UBAP1L: variants seen among roughly 807,000 people sequenced by gnomAD.
UBAP1L encodes the protein ubiquitin-associated protein 1-like.
In UBAP1L, 32 loss-of-function variants were observed where a neutral mutation model predicts 32.1. That is an observed-to-expected ratio of 1.00 (90% confidence interval 0.75 to 1.34). The LOEUF (loss-of-function observed/expected upper bound fraction) is 1.34. UBAP1L is among the 40% of genes most tolerant of loss of function. The probability of loss-of-function intolerance (pLI) is 0.00; values close to 1 mark genes in which losing one functional copy is unlikely to be tolerated. For missense variants in UBAP1L, 516 were observed against 540.5 expected (o/e 0.95, Z 0.45); for synonymous variants, 243 against 250.2 (o/e 0.97, Z 0.27).
At chr15:65,106,478 G>A in intron 1 of UBAP1L, 90 bp from the exon 2 acceptor site, 2 of 336,878 alleles carry the variant, frequency 5.9e-6, no homozygotes, top group Non-Finnish European at 1.1e-5. Context: ...CTAGACCACT[G>A]TTTTCCAAAA....
Position 65,114,795 on chromosome 15 carries a change from A to C in UBAP1L, c.-174+355T>G, listed in dbSNP as rs78499006. Among the ~76,000 whole-genome samples, 849 of 152,332 alleles carry C rather than the reference A, an allele frequency of 5.6e-3. 5 individuals are homozygous for C. The highest frequency in any genetic ancestry group is 0.014 in the Middle Eastern group (4 of 294). Reference sequence around the variant, plus strand: ...CTACACAGTTATGCACTCTAACACCACTTGCCTCAGAGACCTTAATCTTTG... The same window carrying C: ...CTACACAGTTATGCACTCTAACACCCCTTGCCTCAGAGACCTTAATCTTTG... On this transcript the variant is annotated intron_variant, in intron 1 of 5. Transcript: ENST00000559089.
rs919732395 is a variant in UBAP1L, at chr15:65,092,901, C to T, written c.*196G>A. On this transcript the variant is annotated 3_prime_UTR_variant, in exon 6 of 6. Coordinates refer to ENST00000559089, the MANE Select transcript of UBAP1L (RefSeq NM_001163692.2). ...TCCCCGTCCGGCTCTCCCATCTGCCCCTCTGCAGAGGCAACTATTTCAACT... is the reference window on the plus strand; with the variant it reads ...TCCCCGTCCGGCTCTCCCATCTGCCTCTCTGCAGAGGCAACTATTTCAACT... 1.3e-6 allele frequency: 1 copy of T among 762,588 alleles called. No homozygotes were observed. Among genetic ancestry groups the T allele is most frequent in the Admixed American group, 3.4e-5 (1 of 29,578 alleles). 47.2% of individuals were successfully genotyped at this position (762,588 alleles called of 1,614,324 possible).
intron 4 of UBAP1L, chr15:65,099,239 C>T: frequency 2.2e-6 from 1 of 456,958 alleles, no homozygotes; most frequent in South Asian, 2.7e-5. Flanking sequence ...AGTTGTCTGC[C>T]CCTTCAGGGA....
chr15:65,096,333 C>A (rs897684089), intron 4 of UBAP1L: 18 of 152,282 alleles, frequency 1.2e-4, no homozygotes, highest in African/African-American at 4.1e-4. Context: ...GGAATTTTTC[C>A]CTATAGCCCT....
At chr15:65,112,955 T>G (rs1320347503) in intron 1 of UBAP1L, among the ~76,000 whole-genome samples, 1 of 152,222 alleles carries the variant, frequency 6.6e-6, no homozygotes, top group Non-Finnish European at 1.5e-5. Context: ...ACTGCTTCCA[T>G]GGGAATCCAA....
At chr15:65,113,807 A>C (rs1335571021) in intron 1 of UBAP1L, among the ~76,000 whole-genome samples, 2 of 152,208 alleles carry the variant, frequency 1.3e-5, no homozygotes, top group Admixed American at 1.3e-4. Flanking sequence ...GCTCAGCTGA[A>C]ACATCACTTC....
intron 1 of UBAP1L, among the ~76,000 whole-genome samples, chr15:65,113,704 C>T (rs146247602): frequency 7.4e-4 from 113 of 152,106 alleles, no homozygotes; most frequent in African/African-American, 1.9e-3. Context: ...ACCAAGATCA[C>T]GCCACTGCAC....
rs1230783259 is a variant in UBAP1L, at chr15:65,094,893, C to T, written c.910-317G>A. 2.0e-5 allele frequency: 8 copies of T among 404,372 alleles called. No homozygotes were observed. In the East Asian group the frequency reaches 4.1e-4, roughly 21 times the overall value. The allele number at this position is 404,372 out of a possible 1,614,324, so 25.0% of individuals were successfully genotyped here. The stretch of plus-strand genomic sequence containing the variant: ...GAGCAGGACAGGCTTCAAACACAGA[C>T]ATCCCACCTACCACCCAACGCAATT... On this transcript the variant is annotated intron_variant, in intron 4 of 5. Coordinates refer to ENST00000559089, the MANE Select transcript of UBAP1L (RefSeq NM_001163692.2). The surrounding 1 kb of genome is among the most constrained non-coding windows in gnomAD (Gnocchi z 4.2).
At chr15:65,107,739 CAAAAAAA>C (rs56359277) in intron 1 of UBAP1L, among the ~76,000 whole-genome samples, 2 of 94,770 alleles carry the variant, frequency 2.1e-5, no homozygotes, top group Admixed American at 1.2e-4. Flanking sequence ...AACGCTGTCT[CAAAAAAA>C]AAAAAAAAAA....
intron 1 of UBAP1L, among the ~76,000 whole-genome samples, chr15:65,107,486 C>G (rs1268234642): frequency 6.6e-6 from 1 of 151,672 alleles, no homozygotes; most frequent in Admixed American, 6.6e-5. Context: ...ATCCCAAATC[C>G]CAGCACTTGG....
chr15:65,098,205 CTT>C (rs1294514163), intron 4 of UBAP1L: 1 of 152,228 alleles, frequency 6.6e-6, no homozygotes, highest in Non-Finnish European at 1.5e-5. Flanking sequence ...CCCCAATTCT[CTT>C]TTTCTCATCT....
chr15:65,097,491 T>G (rs1320782921), intron 4 of UBAP1L: 1 of 152,292 alleles, frequency 6.6e-6, no homozygotes, highest in Non-Finnish European at 1.5e-5. Context: ...GCGACCAAGA[T>G]GCAGAGTCAG....
At chr15:65,098,920 C>G (rs562014862) in intron 4 of UBAP1L, 9 of 152,426 alleles carry the variant, frequency 5.9e-5, no homozygotes, top group East Asian at 1.9e-4. Flanking sequence ...CTTCTTCTCC[C>G]AGGTATCTTG....
chr15:65,106,034 G>T lies in UBAP1L; in HGVS notation c.120+62C>A, dbSNP rs2087306015. Reference sequence around the variant, plus strand: ...CTGTCCTTTAAATTCAAGGAACAAGGCCCCATGGACTCAGCCCCAGACCCA... The same window carrying T: ...CTGTCCTTTAAATTCAAGGAACAAGTCCCCATGGACTCAGCCCCAGACCCA... On this transcript the variant is annotated intron_variant, in intron 2 of 5. Transcript: ENST00000559089. 2.0e-6 allele frequency: 3 copies of T among 1,536,706 alleles called. No individual in the cohort carries two copies. In the South Asian group the frequency reaches 3.7e-5, roughly 19 times the overall value.
Position 65,102,823 on chromosome 15 carries a change from A to G in UBAP1L, c.121-139T>C, listed in dbSNP as rs2087260727. 4 of 749,348 alleles carry G rather than the reference A, an allele frequency of 5.3e-6. No homozygotes were observed. Among genetic ancestry groups the G allele is most frequent in the Non-Finnish European group, 8.2e-6 (4 of 487,954 alleles). 46.4% of individuals were successfully genotyped at this position (749,348 alleles called of 1,614,324 possible). On this transcript the variant is annotated intron_variant, in intron 2 of 5. Coordinates refer to ENST00000559089, the MANE Select transcript of UBAP1L (RefSeq NM_001163692.2). The surrounding 1 kb of genome is among the most constrained non-coding windows in gnomAD (Gnocchi z 5.0). ...GTCAGATTCTGAGCCCCGGGCTTCC[A>G]TCACAGCCCACTCTACCCTGGGTTT...
At chr15:65,112,184 G>A (rs2087373425) in intron 1 of UBAP1L, among the ~76,000 whole-genome samples, 1 of 152,212 alleles carries the variant, frequency 6.6e-6, no homozygotes, top group African/African-American at 2.4e-5. Context: ...AGAACAGCCT[G>A]TGAGCAAGAG....
In UBAP1L at chr15:65,102,449, C is replaced by T; in HGVS notation, c.356G>A (p.Ser119Asn). 7.0e-7 allele frequency: 1 copy of T among 1,424,132 alleles called. No homozygotes were observed. The highest frequency in any genetic ancestry group is 9.2e-7 in the Non-Finnish European group (1 of 1,089,656). The allele number at this position is 1,424,132 out of a possible 1,614,324, so 88.2% of individuals were successfully genotyped here. A position where few individuals can be genotyped will look rare whatever the true frequency, so the allele number is the denominator to read the frequency against. ...GEDEAEASSG[S>N]EEEPAPSSLQ... ...GCTGCTGGGGGCCGGCTCTTCCTCG[C>T]TGCCAGAGGAGGCTTCTGCCTCGTC... The change falls in exon 3 of 6, where the codon AGC becomes AAC. Residue 119 changes from serine to asparagine, a missense_variant. Physicochemically the swap from Ser to Asn is conservative, Grantham distance 46 (BLOSUM62 1). Transcript: ENST00000559089. The surrounding 1 kb of genome is among the most constrained non-coding windows in gnomAD (Gnocchi z 5.0).
In UBAP1L at chr15:65,092,906, G is replaced by A. The variant is rs929914243; in HGVS notation, c.*191C>T. ...GTCCGGCTCTCCCATCTGCCCCTCT[G>A]CAGAGGCAACTATTTCAACTCTTTC... On this transcript the variant is annotated 3_prime_UTR_variant, in exon 6 of 6. Transcript: ENST00000559089. 3.6e-5 allele frequency: 29 copies of A among 812,184 alleles called. No homozygotes were observed. The highest frequency in any genetic ancestry group is 4.9e-5 in the Non-Finnish European group (27 of 546,274). The allele number at this position is 812,184 out of a possible 1,614,324, so 50.3% of individuals were successfully genotyped here.
At position 65,099,296 on chromosome 15, in the gene UBAP1L, A is replaced by G; in HGVS notation, c.909+209T>C. On this transcript the variant is annotated intron_variant, in intron 4 of 5. Coordinates refer to ENST00000559089, the MANE Select transcript of UBAP1L (RefSeq NM_001163692.2). Reference sequence around the variant, plus strand: ...ACTTACCTCAGGTCACCCCCTTCCCACATGCAATGACTGATTGAGGCAGGG... The same window carrying G: ...ACTTACCTCAGGTCACCCCCTTCCCGCATGCAATGACTGATTGAGGCAGGG... 8.7e-6 allele frequency: 5 copies of G among 574,342 alleles called. No individual in the cohort carries two copies. The South Asian group carries it at 1.1e-4, about 12-fold the overall frequency. The allele number at this position is 574,342 out of a possible 1,614,324, so 35.6% of individuals were successfully genotyped here. A position where few individuals can be genotyped will look rare whatever the true frequency, so the allele number is the denominator to read the frequency against.
Sources: gnomAD v4.1 joint callset for allele counts (sites outside exome capture counted in the v4.1 genomes callset) on GRCh38, gnomAD v4.1.1 for gene constraint, Gnocchi (gnomAD v3.1) non-coding constraint, MANE v1.5 for transcripts, NCBI Gene and HGNC (gene_info 2026-07-23, HGNC 2026-07-21) for gene names.